DAPK2: variants seen among roughly 807,000 people sequenced by gnomAD.
DAPK2 encodes death-associated protein kinase 2.
A neutral mutation model predicts 44.1 loss-of-function variants in DAPK2; 35 were observed. The ratio of observed to expected loss-of-function variants is 0.79; its 90% CI spans 0.61 to 1.05. The LOEUF is 1.05. Ranked by LOEUF, DAPK2 falls within the 50% of genes least tolerant of loss-of-function variation. The pLI is 0.00. For missense variants in DAPK2, 453 were observed against 483.2 expected (o/e 0.94, Z 0.59); for synonymous variants, 174 against 182.6 (o/e 0.95, Z 0.38).
chr15:63,979,998 G>T (rs2078458198), intron 2 of DAPK2, among the ~76,000 whole-genome samples: 1 of 152,114 alleles, frequency 6.6e-6, no homozygotes, highest in South Asian at 2.1e-4. Context: ...GCCATACATG[G>T]GTTAGGGACA....
At position 64,013,919 on chromosome 15, in the gene DAPK2, G is replaced by A. The variant is rs567819478; in HGVS notation, c.92+26251C>T. Among the ~76,000 whole-genome samples, 6 of 152,290 alleles carry A rather than the reference G, an allele frequency of 3.9e-5. No homozygotes were observed. In the South Asian group the frequency reaches 1.2e-3, roughly 32 times the overall value. On this transcript the variant is annotated intron_variant, in intron 1 of 10. Transcript: ENST00000261891. This position sits in a 1 kb window ranked among gnomAD's most constrained non-coding sequence, Gnocchi z 4.7. The stretch of plus-strand genomic sequence containing the variant: ...ATTAGTCATTTCACTTAGAAAATGG[G>A]AGAGGCCCCAACCTTCTCTGGGTGT...
intron 1 of DAPK2, among the ~76,000 whole-genome samples, chr15:63,989,188 C>CAAAAAA (rs55972299): frequency 9.1e-6 from 1 of 109,840 alleles, no homozygotes; most frequent in African/African-American, 3.8e-5. Context: ...ACTTTGTCTC[C>CAAAAAA]AAAAAAAAAA....
chr15:64,010,634 C>G (rs1442451117), intron 1 of DAPK2, among the ~76,000 whole-genome samples: 2 of 152,188 alleles, frequency 1.3e-5, no homozygotes, highest in Non-Finnish European at 2.9e-5. Flanking sequence ...TCAGAGTTGG[C>G]ACTTTAATTG....
intron 5 of DAPK2, 176 bp from the exon 7 acceptor site, chr15:63,929,753 T>C (rs1388884446): frequency 4.0e-6 from 3 of 758,384 alleles, no homozygotes; most frequent in Admixed American, 4.0e-5. Context: ...GCCCGGGGTG[T>C]GTTTGGAGTC....
intron 2 of DAPK2, among the ~76,000 whole-genome samples, chr15:63,976,070 C>T (rs184802664): frequency 2.1e-4 from 32 of 152,266 alleles, no homozygotes; most frequent in Admixed American, 1.6e-3. Context: ...GTAGAACAAC[C>T]GGACATAAAA....
At position 63,912,775 on chromosome 15, in the gene DAPK2, G is replaced by T. The variant is rs2078831039; in HGVS notation, c.859-578C>A. ...CCTCAGTTTCCCCATCTGTAATATG[G>T]GGATAATAATATCATGTCACAGGGT... On this transcript the variant is annotated intron_variant, in intron 8 of 10. Transcript: ENST00000261891. The surrounding 1 kb of genome is among the most constrained non-coding windows in gnomAD (Gnocchi z 4.4). Among the ~76,000 whole-genome samples, 1 of 152,048 alleles carries T rather than the reference G, an allele frequency of 6.6e-6. No homozygotes were observed. Among genetic ancestry groups the T allele is most frequent in the African/African-American group, 2.4e-5 (1 of 41,404 alleles).
At chr15:63,929,898 A>T (rs2079474291) in intron 5 of DAPK2, 2 of 504,212 alleles carry the variant, frequency 4.0e-6, no homozygotes, top group Non-Finnish European at 7.6e-6. Context: ...AATGATAACT[A>T]CCTCACAGGA....
At chr15:63,914,343 A>G (rs1448070576) in intron 8 of DAPK2, among the ~76,000 whole-genome samples, 1 of 152,186 alleles carries the variant, frequency 6.6e-6, no homozygotes, top group Non-Finnish European at 1.5e-5. Flanking sequence ...CTTTTGGGCC[A>G]AAGAGTACAG....
intron 1 of DAPK2, among the ~76,000 whole-genome samples, chr15:64,010,186 G>T (rs924796700): frequency 6.6e-6 from 1 of 152,130 alleles, no homozygotes; most frequent in African/African-American, 2.4e-5. Flanking sequence ...TCTGGGGGTG[G>T]GGCCCAGCAT....
Position 63,923,342 on chromosome 15 carries a change from G to C in DAPK2, c.858+1474C>G, listed in dbSNP as rs1452207126. ...TTCAGGGGCTCTGCCTTCTCCTTTTGACTGGTGGGTGTTCAGACAGAAGAA... is the reference window on the plus strand; with the variant it reads ...TTCAGGGGCTCTGCCTTCTCCTTTTCACTGGTGGGTGTTCAGACAGAAGAA... On this transcript the variant is annotated intron_variant, in intron 8 of 10. Transcript: ENST00000261891. The surrounding 1 kb of genome is among the most constrained non-coding windows in gnomAD (Gnocchi z 4.2). The C allele has an allele frequency of 6.5e-7, 1 of 1,534,104 alleles. No homozygotes were observed. The highest frequency in any genetic ancestry group is 8.7e-7 in the Non-Finnish European group (1 of 1,145,302).
At chr15:63,992,430 T>C (rs1315697559) in intron 1 of DAPK2, among the ~76,000 whole-genome samples, 2 of 152,000 alleles carry the variant, frequency 1.3e-5, no homozygotes, top group Non-Finnish European at 2.9e-5. Flanking sequence ...CATCTGTCTC[T>C]CATTTACTGA....
intron 1 of DAPK2, among the ~76,000 whole-genome samples, chr15:64,014,160 C>T (rs1312554976): frequency 6.6e-6 from 1 of 152,250 alleles, no homozygotes; most frequent in Non-Finnish European, 1.5e-5. Flanking sequence ...CAGGGAAAAG[C>T]ATGGTCCATC....
intron 1 of DAPK2, among the ~76,000 whole-genome samples, chr15:64,004,994 C>A (rs1342539185): frequency 6.6e-6 from 1 of 152,200 alleles, no homozygotes; most frequent in Non-Finnish European, 1.5e-5. Flanking sequence ...ACCTAATCCT[C>A]CTAGCACTTA....
At chr15:64,017,406 C>A (rs1285987274) in intron 1 of DAPK2, among the ~76,000 whole-genome samples, 2 of 152,218 alleles carry the variant, frequency 1.3e-5, no homozygotes, top group African/African-American at 4.8e-5. Flanking sequence ...CGAAGCCCCA[C>A]CTGCACCTCA....
At chr15:63,956,615 C>T (rs2077730904) in intron 3 of DAPK2, among the ~76,000 whole-genome samples, 1 of 149,946 alleles carries the variant, frequency 6.7e-6, no homozygotes, top group Non-Finnish European at 1.5e-5. Context: ...TAGATGGAGT[C>T]GCACTCCGTC....
chr15:63,952,462 G>T (rs990754032), intron 3 of DAPK2, among the ~76,000 whole-genome samples: 5 of 152,094 alleles, frequency 3.3e-5, no homozygotes, highest in Non-Finnish European at 7.3e-5. Context: ...AGAGGCCAGG[G>T]TATGTATCTG....
intron 2 of DAPK2, among the ~76,000 whole-genome samples, chr15:63,973,555 T>C (rs2078269506): frequency 6.6e-6 from 1 of 152,236 alleles, no homozygotes; most frequent in East Asian, 1.9e-4. Context: ...TTGATGTCAT[T>C]GGTTCACAGC....
rs1438177286 is a variant in DAPK2 at position 64,033,325 on chromosome 15, G to GAAGGAAGGAAGGAAGGA, written c.92+6844_92+6845insTCCTTCCTTCCTTCCTT. Among the ~76,000 whole-genome samples, 178 of 137,134 alleles carry GAAGGAAGGAAGGAAGGA rather than the reference G, an allele frequency of 1.3e-3. 1 individual carries two copies. The highest frequency in any genetic ancestry group is 3.8e-3 in the African/African-American group (137 of 36,452). The allele number at this position is 137,134 out of a possible 152,430, so 90.0% of individuals were successfully genotyped here. On this transcript the variant is annotated intron_variant, in intron 1 of 10. Coordinates refer to ENST00000261891, the Ensembl canonical transcript of DAPK2. The stretch of plus-strand genomic sequence containing the variant: ...GGAAGGAAGGAAGGAAGGAAGGAAG[G>GAAGGAAGGAAGGAAGGA]AAAAAAAAAATAGCTGCTGGGTTAA...
At chr15:63,963,960 T>A (rs1039430936) in intron 3 of DAPK2, among the ~76,000 whole-genome samples, 1 of 152,250 alleles carries the variant, frequency 6.6e-6, no homozygotes, top group Non-Finnish European at 1.5e-5. Context: ...CATTTAGTCT[T>A]TCTACTCAAG....
Sources: allele counts gnomAD v4.1 joint callset (sites outside exome capture counted in the v4.1 genomes callset), GRCh38; gene constraint gnomAD v4.1.1; non-coding constraint Gnocchi (gnomAD v3.1); transcripts MANE v1.5; gene names NCBI Gene and HGNC (gene_info 2026-07-23, HGNC 2026-07-21).